The following LINGO2 variants were observed in gnomAD, a reference collection of about 807,000 sequenced individuals.
The protein encoded by LINGO2 is leucine rich repeat and Ig domain containing 2.
In LINGO2, 14 loss-of-function variants were observed where a neutral mutation model predicts 30.6. The observed-to-expected ratio is 0.46, with a 90% CI of 0.30 to 0.72. LINGO2 has a LOEUF of 0.72. Ranked by LOEUF, LINGO2 falls within the 30% of genes least tolerant of loss-of-function variation. The pLI is 0.07. For missense variants in LINGO2, 729 were observed against 751.7 expected, an observed-to-expected ratio of 0.97 and a Z score of 0.35; for synonymous variants, 317 against 288.5, an observed-to-expected ratio of 1.10 and a Z score of -1.00.
chr9:28,628,896 C>G (rs1047121729), intron 1 of LINGO2, among the ~76,000 whole-genome samples: 2 of 152,064 alleles, frequency 1.3e-5, no homozygotes, highest in African/African-American at 4.8e-5. Context: ...TAATACTTAA[C>G]CAGCTCCTAA....
chr9:28,294,540 GT>G (rs2134181195), intron 4 of LINGO2, among the ~76,000 whole-genome samples: 2 of 152,266 alleles, frequency 1.3e-5, no homozygotes, highest in South Asian at 4.1e-4. Flanking sequence ...GAGGAAGCGA[GT>G]TAAAGAGAGA....
Position 28,192,060 on chromosome 9 carries a change from T to C in LINGO2, c.-87+103148A>G, listed in dbSNP as rs12236504. ...CATACTTGATATCTAAATATGTACA[T>C]TTCAAAGGAAACTCAGATTTAATAT... On this transcript the variant is annotated intron_variant, in intron 4 of 5. Coordinates refer to ENST00000379992, the Ensembl canonical transcript of LINGO2. Among the ~76,000 whole-genome samples the C allele has an allele frequency of 4.6e-5, 7 of 152,206 alleles. No individual in the cohort carries two copies. In the East Asian group the frequency reaches 1.4e-3, roughly 29 times the overall value.
At chr9:28,175,927 A>T (rs530761231) in intron 4 of LINGO2, among the ~76,000 whole-genome samples, 1 of 152,322 alleles carries the variant, frequency 6.6e-6, no homozygotes, top group East Asian at 1.9e-4. Context: ...GTGGAGGTCA[A>T]GGAGGCAACA....
the LINGO2 span, among the ~76,000 whole-genome samples, chr9:29,065,394 T>C: frequency 8.9e-4 from 136 of 152,218 alleles, no homozygotes; most frequent in African/African-American, 3.2e-3. Flanking sequence ...CAGAGTTTTA[T>C]AGTTATAGGT....
rs149114035 is a variant in LINGO2 at position 28,577,287 on chromosome 9, C to A, written c.-365+92913G>T. ...CACTATTATAGAATCTAAGATTGAT[C>A]TTTTGAGTTGTCTTTTCAGACTTTT... On this transcript the variant is annotated intron_variant, in intron 1 of 5. Coordinates refer to ENST00000379992, the Ensembl canonical transcript of LINGO2. Among the ~76,000 whole-genome samples, 4 of 152,188 alleles carry A rather than the reference C, an allele frequency of 2.6e-5. No homozygotes were observed. The East Asian group carries it at 7.7e-4, about 29-fold the overall frequency.
intron 1 of LINGO2, among the ~76,000 whole-genome samples, chr9:28,509,229 C>T (rs905885779): frequency 6.6e-6 from 1 of 152,058 alleles, no homozygotes; most frequent in Non-Finnish European, 1.5e-5. Flanking sequence ...GCTTAATTTC[C>T]CTCAAGAACG....
chr9:28,557,220 T>C (rs1184673179), intron 1 of LINGO2, among the ~76,000 whole-genome samples: 1 of 151,870 alleles, frequency 6.6e-6, no homozygotes, highest in African/African-American at 2.4e-5. Flanking sequence ...ACCTACAAAA[T>C]GGGAGAAAAT....
At chr9:29,121,072 T>C in the LINGO2 span, among the ~76,000 whole-genome samples, 1 of 152,260 alleles carries the variant, frequency 6.6e-6, no homozygotes, top group South Asian at 2.1e-4. Flanking sequence ...ATCACTTAGA[T>C]TTGGCAATAA....
At chr9:28,013,354 G>A (rs1162486914) in intron 4 of LINGO2, among the ~76,000 whole-genome samples, 4 of 152,126 alleles carry the variant, frequency 2.6e-5, no homozygotes, top group Non-Finnish European at 4.4e-5. Flanking sequence ...CATGTAATAG[G>A]AATAGTGTGA....
At chr9:28,362,212 G>T (rs1587542235) in intron 3 of LINGO2, among the ~76,000 whole-genome samples, 1 of 111,504 alleles carries the variant, frequency 9.0e-6, no homozygotes, top group Non-Finnish European at 2.0e-5. Flanking sequence ...AATTGTGTGT[G>T]TATGTGTGTG....
the LINGO2 span, among the ~76,000 whole-genome samples, chr9:29,016,591 A>G: frequency 3.3e-5 from 5 of 152,206 alleles, no homozygotes; most frequent in African/African-American, 1.2e-4. Context: ...TATTTTACCA[A>G]CTTATAAAAA....
chr9:28,614,765 A>T (rs1304788631), intron 1 of LINGO2, among the ~76,000 whole-genome samples: 1 of 152,132 alleles, frequency 6.6e-6, no homozygotes, highest in Non-Finnish European at 1.5e-5. Context: ...AATGGGAATG[A>T]CCTGCTTCTC....
chr9:28,725,663 A>T, the LINGO2 span, among the ~76,000 whole-genome samples: 1 of 151,946 alleles, frequency 6.6e-6, no homozygotes, highest in Non-Finnish European at 1.5e-5. Context: ...ACAAAAGAAG[A>T]TATAAAGGAA....
At chr9:29,014,451 T>C in the LINGO2 span, among the ~76,000 whole-genome samples, 1 of 152,118 alleles carries the variant, frequency 6.6e-6, no homozygotes, top group Admixed American at 6.6e-5. Flanking sequence ...CCAATGGAGC[T>C]TTATAGTCTT....
intron 4 of LINGO2, among the ~76,000 whole-genome samples, chr9:28,211,382 G>T (rs1166375126): frequency 6.8e-6 from 1 of 146,978 alleles, no homozygotes; most frequent in Non-Finnish European, 1.5e-5. Context: ...CTGTTAAATT[G>T]TGTACCACTA....
the LINGO2 span, among the ~76,000 whole-genome samples, chr9:28,813,740 G>A: frequency 6.6e-6 from 1 of 152,148 alleles, no homozygotes; most frequent in African/African-American, 2.4e-5. Flanking sequence ...TAAGGTACAA[G>A]TATAATAATT....
the LINGO2 span, among the ~76,000 whole-genome samples, chr9:29,184,577 G>C: frequency 6.6e-6 from 1 of 152,038 alleles, no homozygotes; most frequent in African/African-American, 2.4e-5. Flanking sequence ...AATTTAGGTA[G>C]TTGAATCAAT....
chr9:28,310,348 A>C (rs1824563813), intron 3 of LINGO2, among the ~76,000 whole-genome samples: 1 of 152,182 alleles, frequency 6.6e-6, no homozygotes, highest in Admixed American at 6.5e-5. Flanking sequence ...ACAGAATTAT[A>C]CTGCACAATA....
At chr9:28,539,583 T>A (rs12005012) in intron 1 of LINGO2, among the ~76,000 whole-genome samples, 2 of 152,124 alleles carry the variant, frequency 1.3e-5, no homozygotes, top group Non-Finnish European at 2.9e-5. Context: ...CAGACTGTGT[T>A]ACCTGTTTGA....
Sources: allele counts gnomAD v4.1 joint callset (sites outside exome capture counted in the v4.1 genomes callset), GRCh38; gene constraint gnomAD v4.1.1; transcripts MANE v1.5; gene names NCBI Gene and HGNC (gene_info 2026-07-23, HGNC 2026-07-21).